The following KCNH7 variants were observed in gnomAD, a reference collection of about 807,000 sequenced individuals.
KCNH7 encodes the protein voltage-gated inwardly rectifying potassium channel KCNH7.
A neutral mutation model predicts 120.8 loss-of-function variants in KCNH7; 49 were observed. The ratio of observed to expected loss-of-function variants is 0.41; its 90% CI spans 0.32 to 0.51. The LOEUF is 0.51. Ranked by LOEUF, KCNH7 falls within the 20% of genes least tolerant of loss-of-function variation. The probability of loss-of-function intolerance (pLI) is 0.38; values close to 1 mark genes in which losing one functional copy is unlikely to be tolerated. For missense variants in KCNH7, 1,097 were observed against 1,446.6 expected, an observed-to-expected ratio of 0.76 and a Z score of 3.92; for synonymous variants, 547 against 516.1, an observed-to-expected ratio of 1.06 and a Z score of -0.81.
chr2:162,435,934 C>T (rs755264165), intron 7 of KCNH7, among the ~76,000 whole-genome samples: 14 of 152,136 alleles, frequency 9.2e-5, no homozygotes, highest in Non-Finnish European at 1.6e-4. Context: ...TGCCTACTAA[C>T]GCCACAGGCT....
intron 3 of KCNH7, among the ~76,000 whole-genome samples, chr2:162,533,952 G>C (rs1176595312): frequency 1.3e-5 from 2 of 151,124 alleles, no homozygotes; most frequent in Non-Finnish European, 1.5e-5. Context: ...ATTACAAAAA[G>C]AGAAATAATA....
At chr2:162,433,337 AAG>A (rs1688132856) in intron 8 of KCNH7, among the ~76,000 whole-genome samples, 1 of 152,166 alleles carries the variant, frequency 6.6e-6, no homozygotes, top group Non-Finnish European at 1.5e-5. Flanking sequence ...CCTGAACAAA[AAG>A]AGCAAAGCTG....
chr2:162,791,975 G>GT (rs534822757), intron 2 of KCNH7, among the ~76,000 whole-genome samples: 99 of 148,298 alleles, frequency 6.7e-4, no homozygotes, highest in South Asian at 1.7e-3. Flanking sequence ...AATTTATCGA[G>GT]TTTTTTTTTT....
At chr2:162,503,865 T>C (rs1355288232) in intron 6 of KCNH7, among the ~76,000 whole-genome samples, 1 of 152,064 alleles carries the variant, frequency 6.6e-6, no homozygotes, top group Non-Finnish European at 1.5e-5. Context: ...TTTTATCTAC[T>C]CTCTGAAGCA....
At chr2:162,406,075 A>G (rs894174577) in intron 9 of KCNH7, among the ~76,000 whole-genome samples, 5 of 151,996 alleles carry the variant, frequency 3.3e-5, no homozygotes, top group African/African-American at 1.2e-4. Context: ...ATAAACTATT[A>G]CTCTTTCCTC....
intron 2 of KCNH7, among the ~76,000 whole-genome samples, chr2:162,746,453 T>C (rs10201189): frequency 0.13 from 19,021 of 152,132 alleles, 1,395 homozygotes; most frequent in East Asian, 0.35. Context: ...TGTGGGTTCT[T>C]GTCCCTAGAG....
intron 2 of KCNH7, among the ~76,000 whole-genome samples, chr2:162,731,842 T>C (rs557520781): frequency 2.6e-4 from 40 of 152,244 alleles, no homozygotes; most frequent in Non-Finnish European, 4.4e-4. Flanking sequence ...AGCTGGATGG[T>C]AGGTATAGGG....
intron 2 of KCNH7, among the ~76,000 whole-genome samples, chr2:162,813,992 G>A (rs1163284475): frequency 6.6e-6 from 1 of 152,176 alleles, no homozygotes; most frequent in Non-Finnish European, 1.5e-5. Context: ...AACACATTCT[G>A]ACTTTTAATA....
At chr2:162,642,993 G>A (rs1684220087) in intron 2 of KCNH7, among the ~76,000 whole-genome samples, 2 of 152,190 alleles carry the variant, frequency 1.3e-5, no homozygotes, top group South Asian at 4.1e-4. Flanking sequence ...AGAATTTTAA[G>A]AATATTTTAT....
chr2:162,460,571 T>C (rs1028214681), intron 6 of KCNH7, among the ~76,000 whole-genome samples: 8 of 152,106 alleles, frequency 5.3e-5, no homozygotes, highest in Non-Finnish European at 1.2e-4. Context: ...ATTGGAGTGA[T>C]GTGTCCACAA....
intron 6 of KCNH7, among the ~76,000 whole-genome samples, chr2:162,471,148 C>T (rs13412410): frequency 6.6e-6 from 1 of 151,742 alleles, no homozygotes; most frequent in African/African-American, 2.4e-5. Flanking sequence ...AACCAGAGAC[C>T]TTTGTTCACT....
intron 2 of KCNH7, among the ~76,000 whole-genome samples, chr2:162,734,837 T>C (rs1285752692): frequency 6.6e-6 from 1 of 152,180 alleles, no homozygotes; most frequent in Non-Finnish European, 1.5e-5. Context: ...TTGCCAATCC[T>C]TTTAACATAT....
At chr2:162,662,016 C>A (rs752120206) in intron 2 of KCNH7, among the ~76,000 whole-genome samples, 1 of 152,112 alleles carries the variant, frequency 6.6e-6, no homozygotes, top group Non-Finnish European at 1.5e-5. Flanking sequence ...CTAATCCCAG[C>A]ACTTTGGGAG....
intron 15 of KCNH7, 62 bp from the exon 16 acceptor site, chr2:162,372,157 T>C (rs888859964): frequency 7.6e-7 from 1 of 1,318,760 alleles, no homozygotes; most frequent in African/African-American, 1.5e-5. Flanking sequence ...CATTGAAAAT[T>C]ACACTAATAA....
At chr2:162,491,977 A>G (rs1385491086) in intron 6 of KCNH7, among the ~76,000 whole-genome samples, 1 of 152,112 alleles carries the variant, frequency 6.6e-6, no homozygotes, top group East Asian at 1.9e-4. Flanking sequence ...GCATCCTCAA[A>G]TGGGGAAAAG....
chr2:162,733,761 T>A (rs1289091834), intron 2 of KCNH7, among the ~76,000 whole-genome samples: 2 of 152,320 alleles, frequency 1.3e-5, no homozygotes, highest in Non-Finnish European at 1.5e-5. Flanking sequence ...GAGCATTTGA[T>A]CCAGTGATCT....
intron 2 of KCNH7, among the ~76,000 whole-genome samples, chr2:162,585,341 G>T (rs1374846039): frequency 6.6e-6 from 1 of 151,854 alleles, no homozygotes; most frequent in African/African-American, 2.4e-5. Context: ...ATTCATCTTT[G>T]TGTCTCTTCC....
chr2:162,458,421 T>A (rs1414392081), intron 6 of KCNH7, among the ~76,000 whole-genome samples: 1 of 152,080 alleles, frequency 6.6e-6, no homozygotes, highest in Admixed American at 6.6e-5. Context: ...CTTGGTTTTG[T>A]CTCGCAGCTC....
At chr2:162,427,952 A>G (rs1354595491) in intron 8 of KCNH7, among the ~76,000 whole-genome samples, 1 of 151,720 alleles carries the variant, frequency 6.6e-6, no homozygotes, top group Non-Finnish European at 1.5e-5. Context: ...ACTGATTTTA[A>G]AAATTACTTC....
Sources: gnomAD v4.1 joint callset for allele counts (sites outside exome capture counted in the v4.1 genomes callset) on GRCh38, gnomAD v4.1.1 for gene constraint, MANE v1.5 for transcripts, NCBI Gene and HGNC (gene_info 2026-07-23, HGNC 2026-07-21) for gene names.